The following TRAPPC9 variants were observed in gnomAD, a reference collection of about 807,000 sequenced individuals.
TRAPPC9 encodes IKK2 binding protein.
A neutral mutation model predicts 124.0 loss-of-function variants in TRAPPC9; 83 were observed. That is an observed-to-expected ratio of 0.67 (90% confidence interval 0.56 to 0.80). TRAPPC9 has a LOEUF of 0.80. Ranked by LOEUF, TRAPPC9 falls within the 30% of genes least tolerant of loss-of-function variation. The probability of loss-of-function intolerance (pLI) is 0.00; values close to 1 mark genes in which losing one functional copy is unlikely to be tolerated. For synonymous variants in TRAPPC9, 638 were observed against 617.5 expected (o/e 1.03, Z -0.49); for missense variants, 1,302 against 1,508.3 (o/e 0.86, Z 2.27).
chr8:140,305,990 G>T (rs2066118950), intron 10 of TRAPPC9, among the ~76,000 whole-genome samples: 1 of 152,164 alleles, frequency 6.6e-6, no homozygotes, highest in Admixed American at 6.5e-5. Context: ...GGGTTTATTG[G>T]TGCTTGGCAT....
At chr8:139,831,973 C>T (rs1185390994) in intron 21 of TRAPPC9, among the ~76,000 whole-genome samples, 5 of 152,232 alleles carry the variant, frequency 3.3e-5, no homozygotes, top group Admixed American at 3.3e-4. Flanking sequence ...ATTATCCCTT[C>T]TCCTCTCCGT....
At chr8:140,458,461 C>T (rs758650811), upstream of TRAPPC9, 2 of 1,572,442 alleles carry the variant, frequency 1.3e-6, no homozygotes, top group South Asian at 2.3e-5. Flanking sequence ...GGCCTGGGAG[C>T]GCCTCCAGGA....
chr8:140,058,101 T>C (rs975432153), intron 17 of TRAPPC9, among the ~76,000 whole-genome samples: 6 of 152,240 alleles, frequency 3.9e-5, no homozygotes, highest in African/African-American at 1.4e-4. Flanking sequence ...TCTGGGACAC[T>C]GTCCTGTTTG....
intron 17 of TRAPPC9, among the ~76,000 whole-genome samples, chr8:140,158,081 C>A (rs545448906): frequency 6.6e-6 from 1 of 152,080 alleles, no homozygotes; most frequent in Non-Finnish European, 1.5e-5. Context: ...TAACAGATAA[C>A]CTAATATATA....
intron 7 of TRAPPC9, among the ~76,000 whole-genome samples, chr8:140,379,905 T>C (rs1207952984): frequency 1.3e-5 from 2 of 152,256 alleles, no homozygotes; most frequent in Admixed American, 6.5e-5. Flanking sequence ...AAGTTTTGCC[T>C]GCCAACTAAA....
Position 140,451,062 on chromosome 8 carries a change from C to T in TRAPPC9, c.312G>A (p.Glu104=). The T allele has an allele frequency of 2.5e-6, 4 of 1,614,090 alleles. No homozygotes were observed. The highest frequency in any genetic ancestry group is 1.6e-4 in the Middle Eastern group (1 of 6,062). The change falls in exon 2 of 23, where the codon GAG becomes GAA. Residue 104 remains glutamate (E), a synonymous_variant. Coordinates refer to ENST00000438773, the MANE Select transcript of TRAPPC9 (RefSeq NM_001160372.4). The part of the protein sequence containing the change: ...QTFEKFHVQK[E]IYGSTLYDSR... The stretch of plus-strand genomic sequence containing the variant: ...AGTCATACAGTGTGGAGCCGTAGAT[C>T]TCCTTCTGCACGTGGAACTTCTCAA...
intron 17 of TRAPPC9, among the ~76,000 whole-genome samples, chr8:140,103,370 C>A (rs1318830221): frequency 6.6e-6 from 1 of 152,180 alleles, no homozygotes; most frequent in Non-Finnish European, 1.5e-5. Flanking sequence ...ACAGAGCTCA[C>A]GTGAGGCAGC....
At chr8:139,998,943 T>C (rs1356103665) in intron 18 of TRAPPC9, among the ~76,000 whole-genome samples, 1 of 152,132 alleles carries the variant, frequency 6.6e-6, no homozygotes, top group African/African-American at 2.4e-5. Context: ...AGAGCACTTA[T>C]TATACTCCCT....
rs1817691087 is a variant in TRAPPC9, at chr8:139,729,282, C to G, written c.*1779G>C. On this transcript the variant is annotated 3_prime_UTR_variant, in exon 23 of 23. Transcript: ENST00000438773. Reference sequence around the variant, plus strand: ...TACACAAGTGAGGTTGGGCTGAGCCCATCATCCTGCAATGTGTTGTTTCAT... The same window carrying G: ...TACACAAGTGAGGTTGGGCTGAGCCGATCATCCTGCAATGTGTTGTTTCAT... 6.6e-6 allele frequency among the ~76,000 whole-genome samples: 1 copy of G among 152,228 alleles called. No individual in the cohort carries two copies. The highest frequency in any genetic ancestry group is 2.4e-5 in the African/African-American group (1 of 41,446).
chr8:139,811,138 G>A (rs1321305485), intron 21 of TRAPPC9, among the ~76,000 whole-genome samples: 1 of 152,146 alleles, frequency 6.6e-6, no homozygotes, highest in African/African-American at 2.4e-5. Flanking sequence ...AGGCAGTCCA[G>A]CCATTACAAA....
At chr8:139,948,128 T>G in intron 19 of TRAPPC9, among the ~76,000 whole-genome samples, 1 of 151,434 alleles carries the variant, frequency 6.6e-6, no homozygotes, top group Non-Finnish European at 1.5e-5. Context: ...CCTTGAGTAT[T>G]AGGTTCACTC....
At chr8:140,213,632 A>C (rs1343334563) in intron 17 of TRAPPC9, among the ~76,000 whole-genome samples, 6 of 151,928 alleles carry the variant, frequency 3.9e-5, no homozygotes, top group Admixed American at 2.0e-4. Context: ...TCTGGCTCCC[A>C]CAGGAGCTTC....
At position 140,360,171 on chromosome 8, in the gene TRAPPC9, C is replaced by T. The variant is rs1483334068; in HGVS notation, c.1374G>A (p.Ala458=). The T allele has an allele frequency of 3.1e-6, 5 of 1,614,160 alleles. No homozygotes were observed. The Admixed American group carries it at 5.0e-5, about 16-fold the overall frequency. ...FSRGTHRGWA[A]VQMRLLHELV... is the part of the protein sequence containing the mutation. ...ATTCATGGAGCAAACGCATCTGGAC[C>T]GCAGCCCAGCCTCTGTGCGTGCCTG... Residue 458 remains alanine (A), a synonymous_variant, in exon 9 of 23, where the codon GCG becomes GCA. Coordinates refer to ENST00000438773, the MANE Select transcript of TRAPPC9 (RefSeq NM_001160372.4).
At chr8:140,303,681 C>T (rs2066044528) in intron 10 of TRAPPC9, among the ~76,000 whole-genome samples, 1 of 152,200 alleles carries the variant, frequency 6.6e-6, no homozygotes, top group African/African-American at 2.4e-5. Context: ...AATTTTGGAA[C>T]ACAATTAAAA....
intron 9 of TRAPPC9, among the ~76,000 whole-genome samples, chr8:140,317,166 T>C (rs1325075413): frequency 6.6e-6 from 1 of 152,190 alleles, no homozygotes; most frequent in Non-Finnish European, 1.5e-5. Flanking sequence ...AGCTCTTCAT[T>C]TCATTAATCT....
intron 16 of TRAPPC9, among the ~76,000 whole-genome samples, chr8:140,227,364 CA>C (rs981987333): frequency 6.6e-6 from 1 of 151,792 alleles, no homozygotes; most frequent in African/African-American, 2.4e-5. Context: ...GAAGACAGGA[CA>C]AAAAAAGTTA....
chr8:139,992,456 A>T (rs949322013), intron 18 of TRAPPC9, among the ~76,000 whole-genome samples: 1 of 152,070 alleles, frequency 6.6e-6, no homozygotes, highest in Non-Finnish European at 1.5e-5. Context: ...GTGCTCAAAA[A>T]GTTTTGAATT....
chr8:140,256,329 T>A (rs1364700419), intron 15 of TRAPPC9, among the ~76,000 whole-genome samples: 1 of 152,228 alleles, frequency 6.6e-6, no homozygotes, highest in Non-Finnish European at 1.5e-5. Flanking sequence ...ATCTTACAGG[T>A]GAGAAAGCAG....
chr8:140,324,733 G>C (rs912574159), intron 9 of TRAPPC9, among the ~76,000 whole-genome samples: 2 of 152,164 alleles, frequency 1.3e-5, no homozygotes, highest in Non-Finnish European at 2.9e-5. Flanking sequence ...TCGTGCCACT[G>C]CACTCCAGCC....
Sources: gnomAD v4.1 joint callset for allele counts (sites outside exome capture counted in the v4.1 genomes callset) on GRCh38, gnomAD v4.1.1 for gene constraint, MANE v1.5 for transcripts, NCBI Gene and HGNC (gene_info 2026-07-23, HGNC 2026-07-21) for gene names.